ABL2: variants seen among roughly 807,000 people sequenced by gnomAD.
ABL2 encodes the protein ABL proto-oncogene 2, non-receptor tyrosine kinase, also known as tyrosine-protein kinase ABL2.
A neutral mutation model predicts 107.7 loss-of-function variants in ABL2; 49 were observed. That is an observed-to-expected ratio of 0.45 (90% CI 0.36 to 0.58). The LOEUF is 0.58. Among genes scored for constraint, ABL2 ranks in the 20% least tolerant of loss-of-function variants. The pLI is 0.00. For synonymous variants in ABL2, 549 were observed against 548.6 expected, an observed-to-expected ratio of 1.00 and a Z score of -0.01; for missense variants, 1,245 against 1,457.0, an observed-to-expected ratio of 0.85 and a Z score of 2.37.
chr1:179,116,032 G>GA (rs1261262971), intron 8 of ABL2, among the ~76,000 whole-genome samples: 2,179 of 140,706 alleles, frequency 0.015, 82 homozygotes, highest in African/African-American at 0.053. Context: ...CACTTCCCTC[G>GA]AAAAAAAAAA....
intron 1 of ABL2, among the ~76,000 whole-genome samples, chr1:179,168,526 T>A (rs1262337096): frequency 2.0e-5 from 3 of 152,220 alleles, no homozygotes; most frequent in Non-Finnish European, 4.4e-5. Flanking sequence ...AATGATAGAA[T>A]TAGCACTTTT....
intron 1 of ABL2, among the ~76,000 whole-genome samples, chr1:179,136,502 T>C (rs1355514697): frequency 1.3e-5 from 2 of 151,264 alleles, no homozygotes; most frequent in East Asian, 1.9e-4. Context: ...AAACAGATGC[T>C]TGAAGGCAGC....
At chr1:179,142,713 CTTA>C (rs1240101959) in intron 1 of ABL2, among the ~76,000 whole-genome samples, 2 of 152,142 alleles carry the variant, frequency 1.3e-5, no homozygotes, top group South Asian at 2.1e-4. Context: ...CCATCTATAT[CTTA>C]TTATTACAAA....
intron 1 of ABL2, among the ~76,000 whole-genome samples, chr1:179,159,607 T>C (rs1333364758): frequency 1.3e-5 from 2 of 152,190 alleles, no homozygotes; most frequent in African/African-American, 4.8e-5. Context: ...CCTTGAAGAC[T>C]TCCTAAAATT....
At position 179,105,317 on chromosome 1, in the gene ABL2, A is replaced by T. The variant is rs973648722; in HGVS notation, c.*2401T>A. 1.7e-5 allele frequency: 4 copies of T among 231,248 alleles called. No individual in the cohort carries two copies. The highest frequency in any genetic ancestry group is 3.4e-5 in the Non-Finnish European group (4 of 116,864). 14.3% of individuals were successfully genotyped at this position (231,248 alleles called of 1,614,324 possible). On this transcript the variant is annotated 3_prime_UTR_variant, in exon 12 of 12. Transcript: ENST00000502732. Reference sequence around the variant, plus strand: ...GGGAAAATAGAGCCCTTGCTTAAAAAACAAAAAACAAAAAAACCCTGAAAA... The same window carrying T: ...GGGAAAATAGAGCCCTTGCTTAAAATACAAAAAACAAAAAAACCCTGAAAA...
chr1:179,114,946 A>G lies in ABL2; in HGVS notation c.1493T>C (p.Leu498Pro). The G allele has an allele frequency of 1.2e-6, 2 of 1,612,686 alleles. No homozygotes were observed. The highest frequency in any genetic ancestry group is 1.7e-6 in the Non-Finnish European group (2 of 1,179,454). The change falls in exon 9 of 12, where the codon CTA becomes CCA. Residue 498 changes from leucine (L) to proline (P), a missense_variant. Leu to Pro is a moderately conservative substitution (Grantham distance 98). Transcript: ENST00000502732. Reference sequence around the variant, plus strand: ...CTGTTCCATTCGATATCCTTTTTCTAGTAGGTCATAGACCTGAGACAGGTC... The same window carrying G: ...CTGTTCCATTCGATATCCTTTTTCTGGTAGGTCATAGACCTGAGACAGGTC... ...GIDLSQVYDL[L>P]EKGYRMEQPE... is the part of the protein sequence containing the mutation.
At chr1:179,207,338 A>G (rs980337989) in intron 1 of ABL2, among the ~76,000 whole-genome samples, 1 of 152,228 alleles carries the variant, frequency 6.6e-6, no homozygotes, top group South Asian at 2.1e-4. Flanking sequence ...TTAAAACGAC[A>G]ACTATACATT....
chr1:179,136,916 CAAA>C (rs33980980), intron 1 of ABL2, among the ~76,000 whole-genome samples: 6 of 110,078 alleles, frequency 5.5e-5, no homozygotes, highest in Non-Finnish European at 9.4e-5. Flanking sequence ...GACCCTGTCT[CAAA>C]AAAAAAAAAA....
chr1:179,152,486 T>C (rs1486239944), intron 1 of ABL2, among the ~76,000 whole-genome samples: 2 of 152,214 alleles, frequency 1.3e-5, no homozygotes, highest in Non-Finnish European at 2.9e-5. Flanking sequence ...CTTTCCTTAA[T>C]CCAGCTCACT....
chr1:179,110,243 C>A (rs746056636), intron 11 of ABL2, 39 bp downstream of exon 11: 4 of 1,610,824 alleles, frequency 2.5e-6, no homozygotes, highest in East Asian at 2.2e-5. Context: ...TTAAACAAGG[C>A]AGTTTCTATT....
intron 4 of ABL2, 65 bp from the exon 5 acceptor site, chr1:179,121,932 T>C: frequency 7.2e-7 from 1 of 1,391,696 alleles, no homozygotes; most frequent in East Asian, 2.5e-5. Flanking sequence ...TTTTTTTTTT[T>C]TTTTTTTTTT....
intron 1 of ABL2, among the ~76,000 whole-genome samples, chr1:179,156,827 G>A (rs1249940673): frequency 1.3e-5 from 2 of 151,932 alleles, no homozygotes; most frequent in South Asian, 2.1e-4. Flanking sequence ...GCAGTGAGCT[G>A]AGATGGCGCC....
At chr1:179,112,433 T>G in intron 9 of ABL2, 35 bp from the exon 10 acceptor site, 1 of 1,552,194 alleles carries the variant, frequency 6.4e-7, no homozygotes, top group Non-Finnish European at 8.9e-7. Context: ...AAAAACTCCT[T>G]GCAGAAATTC....
At chr1:179,179,603 A>G (rs1188750270) in intron 1 of ABL2, among the ~76,000 whole-genome samples, 1 of 152,098 alleles carries the variant, frequency 6.6e-6, no homozygotes, top group Non-Finnish European at 1.5e-5. Context: ...AGCTATTATA[A>G]TACAGAGATA....
In ABL2 at chr1:179,191,756, A is replaced by G. The variant is rs531685557; in HGVS notation, c.157+37485T>C. 5.9e-5 allele frequency among the ~76,000 whole-genome samples: 9 copies of G among 152,322 alleles called. No individual in the cohort carries two copies. The South Asian group carries it at 1.9e-3, about 32-fold the overall frequency. ...TTACTTCATATATACATATTCTGCTATCATTTAAATAATCAACACTCTGTA... is the reference window on the plus strand; with the variant it reads ...TTACTTCATATATACATATTCTGCTGTCATTTAAATAATCAACACTCTGTA... On this transcript the variant is annotated intron_variant, in intron 1 of 11. Coordinates refer to ENST00000502732, the MANE Select transcript of ABL2 (RefSeq NM_007314.4).
chr1:179,196,394 C>T (rs1464864954), intron 1 of ABL2: 3 of 152,162 alleles, frequency 2.0e-5, no homozygotes, highest in Non-Finnish European at 2.9e-5. Context: ...GGTGGATACA[C>T]TATGGGATGA....
At chr1:179,229,167 T>TGCCCCC in intron 1 of ABL2, 74 bp downstream of exon 1, 2 of 402,570 alleles carry the variant, frequency 5.0e-6, no homozygotes, top group Non-Finnish European at 9.3e-6. Flanking sequence ...GGGCAGCCCG[T>TGCCCCC]CCGCCACCCA....
In ABL2 at chr1:179,108,299, T is replaced by A; in HGVS notation, c.2968A>T (p.Met990Leu). The change falls in exon 12 of 12, where the codon ATG becomes TTG. Residue 990 changes from methionine to leucine, a missense_variant. By Grantham distance (15) the Met-to-Leu change is conservative. Coordinates refer to ENST00000502732, the MANE Select transcript of ABL2 (RefSeq NM_007314.4). ...ATGGACGGATGCTGCAGTAGTCTCA[T>A]CACTGGTGGTGGGGGTGGGGCACAC... ...PKCAPPPPPVMRLLQHPSICS... is the reference protein window; with the variant it reads ...PKCAPPPPPVLRLLQHPSICS... 1 of 1,614,002 alleles carries A rather than the reference T, an allele frequency of 6.2e-7. No homozygotes were observed. The highest frequency in any genetic ancestry group is 8.5e-7 in the Non-Finnish European group (1 of 1,179,998).
rs1333771207 is a variant in ABL2 at position 179,212,733 on chromosome 1, C to CA, written c.157+16507dup. ...GAGCAACAAGGGCAAAACTCCGTCT[C>CA]AAAAAAAAAAGAAAGAAATACAATG... On this transcript the variant is annotated intron_variant, in intron 1 of 11. Coordinates refer to ENST00000502732, the MANE Select transcript of ABL2 (RefSeq NM_007314.4). 7.4e-3 allele frequency among the ~76,000 whole-genome samples: 1,013 copies of CA among 137,620 alleles called. 11 individuals are homozygous for CA. Among genetic ancestry groups the CA allele is most frequent in the African/African-American group, 0.025 (928 of 37,212 alleles). 90.3% of individuals were successfully genotyped at this position (137,620 alleles called of 152,430 possible).
Sources: gnomAD v4.1 joint callset for allele counts (sites outside exome capture counted in the v4.1 genomes callset) on GRCh38, gnomAD v4.1.1 for gene constraint, MANE v1.5 for transcripts, NCBI Gene and HGNC (gene_info 2026-07-23, HGNC 2026-07-21) for gene names.